Variants in ADGRL3 observed in about 807,000 individuals in gnomAD.
The protein encoded by ADGRL3 is calcium-independent alpha-latrotoxin receptor 3.
A neutral mutation model predicts 153.5 loss-of-function variants in ADGRL3; 62 were observed. That is an observed-to-expected ratio of 0.40 (90% CI 0.33 to 0.50). ADGRL3 has a LOEUF of 0.50. ADGRL3 is among the 20% of genes least tolerant of loss of function. ADGRL3 has a pLI of 0.47. For missense variants in ADGRL3, 1,641 were observed against 1,859.4 expected (o/e 0.88, Z 2.16); for synonymous variants, 710 against 672.5 (o/e 1.06, Z -0.86).
chr4:62,076,987 T>G lies in ADGRL3; in HGVS notation c.*6079T>G, dbSNP rs1747360919. On this transcript the variant is annotated 3_prime_UTR_variant, in exon 27 of 27. Coordinates refer to ENST00000683033, the MANE Select transcript of ADGRL3 (RefSeq NM_001387552.1). ...AATTTATTATTATATATATGAATAT[T>G]ACATTGAGACTGAACAAATAACCAC... 6.6e-6 allele frequency: 1 copy of G among 151,690 alleles called. No individual in the cohort carries two copies. Among genetic ancestry groups the G allele is most frequent in the South Asian group, 2.1e-4 (1 of 4,834 alleles). The allele number at this position is 151,690 out of a possible 1,614,324, so 9.4% of individuals were successfully genotyped here. A position where few individuals can be genotyped will look rare whatever the true frequency, so the allele number is the denominator to read the frequency against.
chr4:62,063,952 T>G (rs1577734844), intron 25 of ADGRL3, among the ~76,000 whole-genome samples: 8 of 152,130 alleles, frequency 5.3e-5, no homozygotes, highest in Admixed American at 5.3e-4. Flanking sequence ...TGTATTTATT[T>G]TGAGAAATAA....
chr4:61,912,850 C>T, intron 13 of ADGRL3, 93 bp downstream of exon 13: 1 of 1,196,566 alleles, frequency 8.4e-7, no homozygotes, highest in East Asian at 2.4e-5. Context: ...GATAATGTAC[C>T]TTACTGAAAT....
At chr4:61,971,118 CAATTT>C (rs920074143) in intron 17 of ADGRL3, among the ~76,000 whole-genome samples, 6 of 151,654 alleles carry the variant, frequency 4.0e-5, no homozygotes, top group Non-Finnish European at 7.4e-5. Flanking sequence ...GTTGAAGAGG[CAATTT>C]AATTTTTTAA....
intron 6 of ADGRL3, among the ~76,000 whole-genome samples, chr4:61,710,306 C>T (rs1203979122): frequency 6.6e-6 from 1 of 152,158 alleles, no homozygotes; most frequent in African/African-American, 2.4e-5. Flanking sequence ...TAATGGGGAT[C>T]AGTCTTGGGG....
chr4:61,785,125 A>T (rs2097262244), intron 8 of ADGRL3, among the ~76,000 whole-genome samples: 1 of 152,100 alleles, frequency 6.6e-6, no homozygotes, highest in South Asian at 2.1e-4. Context: ...AAATAAATAA[A>T]GGGGGTTAGG....
intron 9 of ADGRL3, among the ~76,000 whole-genome samples, chr4:61,869,949 A>G: frequency 9.2e-6 from 1 of 108,988 alleles, no homozygotes; most frequent in Non-Finnish European, 2.0e-5. Flanking sequence ...AAAAAAAAAA[A>G]AAAAAAAAAA....
At chr4:61,559,724 T>C (rs965939589) in intron 4 of ADGRL3, among the ~76,000 whole-genome samples, 4 of 152,056 alleles carry the variant, frequency 2.6e-5, no homozygotes, top group African/African-American at 9.7e-5. Flanking sequence ...AATATTTGTG[T>C]CTCTCTTCTC....
chr4:61,811,853 G>T (rs1050855680), intron 8 of ADGRL3, among the ~76,000 whole-genome samples: 2 of 152,048 alleles, frequency 1.3e-5, no homozygotes, highest in African/African-American at 4.8e-5. Flanking sequence ...ATGTATGAGT[G>T]TTTTGTGGTT....
intron 9 of ADGRL3, 63 bp from the exon 10 acceptor site, chr4:61,892,593 G>A: frequency 4.3e-6 from 5 of 1,158,868 alleles, no homozygotes; most frequent in Non-Finnish European, 6.5e-6. Context: ...TAAAGTACTA[G>A]GACATCTTGA....
At chr4:61,806,755 T>C (rs796340446) in intron 8 of ADGRL3, among the ~76,000 whole-genome samples, 4 of 152,232 alleles carry the variant, frequency 2.6e-5, no homozygotes, top group African/African-American at 9.6e-5. Flanking sequence ...TTTATCTAAA[T>C]TTTGGCATAA....
chr4:61,202,893 G>C lies in ADGRL3; in HGVS notation c.-240+1128G>C, dbSNP rs547311941. ...CAGAGAGATATTTGCGGGGATGCCG[G>C]AGCTGATGCTGCTGGAGCTGAGCTT... On this transcript the variant is annotated intron_variant, in intron 1 of 26. Transcript: ENST00000683033. This position sits in a 1 kb window ranked among gnomAD's most constrained non-coding sequence, Gnocchi z 5.0. 6.6e-6 allele frequency among the ~76,000 whole-genome samples: 1 copy of C among 152,278 alleles called. No individual in the cohort carries two copies. The highest frequency in any genetic ancestry group is 2.1e-4 in the South Asian group (1 of 4,826).
chr4:62,044,129 T>C (rs1040664610), intron 24 of ADGRL3, among the ~76,000 whole-genome samples: 41 of 152,016 alleles, frequency 2.7e-4, no homozygotes, highest in African/African-American at 9.7e-4. Flanking sequence ...AATTAAAATT[T>C]TCTAATTCTG....
chr4:61,343,872 A>C (rs2095851745), intron 1 of ADGRL3, among the ~76,000 whole-genome samples: 1 of 152,214 alleles, frequency 6.6e-6, no homozygotes, highest in African/African-American at 2.4e-5. Context: ...TTTGGGAAAT[A>C]CTGGGTCAGA....
intron 2 of ADGRL3, among the ~76,000 whole-genome samples, chr4:61,440,816 G>A (rs1052004054): frequency 1.9e-4 from 29 of 151,974 alleles, no homozygotes; most frequent in African/African-American, 7.0e-4. Flanking sequence ...TGATGATAAC[G>A]ACCATGACAC....
chr4:61,226,714 A>G (rs62312884), intron 1 of ADGRL3, among the ~76,000 whole-genome samples: 4,450 of 152,244 alleles, frequency 0.029, 81 homozygotes, highest in Non-Finnish European at 0.042. Flanking sequence ...GCCTGGAAGA[A>G]TACCTGAAGG....
At chr4:62,063,358 A>C in intron 25 of ADGRL3, 1 of 451,590 alleles carries the variant, frequency 2.2e-6, no homozygotes, top group Non-Finnish European at 3.9e-6. Context: ...TCTAAGTGGC[A>C]TATTTTTTTA....
chr4:61,385,290 G>A (rs933985433), intron 2 of ADGRL3: 2 of 151,960 alleles, frequency 1.3e-5, no homozygotes, highest in Non-Finnish European at 2.9e-5. Context: ...AACACTCCGG[G>A]GGCCTCTAGA....
At chr4:61,885,234 A>G (rs2098531512) in intron 9 of ADGRL3, among the ~76,000 whole-genome samples, 1 of 152,112 alleles carries the variant, frequency 6.6e-6, no homozygotes, top group Non-Finnish European at 1.5e-5. Context: ...CAGCTGAAAC[A>G]GGAGAATCGC....
chr4:61,769,790 A>G (rs967239271), intron 8 of ADGRL3, among the ~76,000 whole-genome samples: 5 of 148,744 alleles, frequency 3.4e-5, no homozygotes, highest in Non-Finnish European at 7.4e-5. Context: ...CAAGGTGCTC[A>G]GTGGGGGTGC....
Sources: allele counts gnomAD v4.1 joint callset (sites outside exome capture counted in the v4.1 genomes callset), GRCh38; gene constraint gnomAD v4.1.1; non-coding constraint Gnocchi (gnomAD v3.1); transcripts MANE v1.5; gene names NCBI Gene and HGNC (gene_info 2026-07-23, HGNC 2026-07-21).